Variants in ARFGEF3 observed in about 807,000 individuals in gnomAD.
ARFGEF3 encodes the protein brefeldin A-inhibited guanine nucleotide-exchange protein 3.
Under a neutral mutation model 221.7 loss-of-function variants are expected in ARFGEF3, and 96 were observed. The ratio of observed to expected loss-of-function variants is 0.43; its 90% confidence interval spans 0.37 to 0.51. ARFGEF3 has a LOEUF of 0.51. Ranked by LOEUF, ARFGEF3 falls within the 20% of genes least tolerant of loss-of-function variation. The pLI, the probability that ARFGEF3 is intolerant of heterozygous loss-of-function variation, is 0.00. For synonymous variants in ARFGEF3, 1,145 were observed against 1,126.8 expected (o/e 1.02, Z -0.32); for missense variants, 2,410 against 2,789.9 (o/e 0.86, Z 3.07).
In ARFGEF3 at chr6:138,296,812, G is replaced by A; in HGVS notation, c.3505G>A (p.Glu1169Lys). 1 of 1,613,488 alleles carries A rather than the reference G, an allele frequency of 6.2e-7. No homozygotes were observed. The highest frequency in any genetic ancestry group is 8.5e-7 in the Non-Finnish European group (1 of 1,179,684). Residue 1169 changes from glutamate to lysine, a missense_variant and splice_region_variant, in exon 21 of 34, where the codon GAA (glutamate) becomes AAA (lysine). By Grantham distance (56) the Glu-to-Lys change is moderately conservative. Coordinates refer to ENST00000251691, the MANE Select transcript of ARFGEF3 (RefSeq NM_020340.5). Reference protein sequence around the residue: ...TVDYSLAMPGEVKSTQDRKSA... With the variant: ...TVDYSLAMPGKVKSTQDRKSA... ...TTTATGTTCTTGCCTTCCTGTAGGA[G>A]AAGTTAAATCCACTCAAGACCGAAA... is the stretch of plus-strand genomic sequence containing the variant.
In ARFGEF3 at chr6:138,291,672, T is replaced by G; in HGVS notation, c.3048-61T>G. ...ATTTCCTTTGTCTGGCACTGTGGGG[T>G]TTATGGAGCTGCCGGGGTGAGCTGC... is the stretch of plus-strand genomic sequence containing the variant. On this transcript the variant is annotated intron_variant, in intron 18 of 33. Coordinates refer to ENST00000251691, the MANE Select transcript of ARFGEF3 (RefSeq NM_020340.5). This position sits in a 1 kb window ranked among gnomAD's most constrained non-coding sequence, Gnocchi z 4.5. 4 of 1,211,876 alleles carry G rather than the reference T, an allele frequency of 3.3e-6. No homozygotes were observed. The highest frequency in any genetic ancestry group is 6.1e-5 in the South Asian group (2 of 32,958). 75.1% of individuals were successfully genotyped at this position (1,211,876 alleles called of 1,614,324 possible).
At chr6:138,257,021 G>T (rs562051211) in intron 10 of ARFGEF3, among the ~76,000 whole-genome samples, 1 of 152,064 alleles carries the variant, frequency 6.6e-6, no homozygotes, top group African/African-American at 2.4e-5. Context: ...CAATCCGCCC[G>T]CCTCAGCCTT....
chr6:138,336,217 C>A, intron 33 of ARFGEF3, 78 bp from the exon 34 acceptor site: 1 of 1,141,734 alleles, frequency 8.8e-7, no homozygotes, highest in Non-Finnish European at 1.2e-6. Flanking sequence ...ACCATTTCCA[C>A]ATTGGCAGGG....
rs1317016668 is a variant in ARFGEF3 at position 138,298,652 on chromosome 6, T to G, written c.3695T>G (p.Phe1232Cys). 3 of 1,613,540 alleles carry G rather than the reference T, an allele frequency of 1.9e-6. No individual in the cohort carries two copies. The highest frequency in any genetic ancestry group is 2.5e-6 in the Non-Finnish European group (3 of 1,179,732). Residue 1232 changes from phenylalanine to cysteine, a missense_variant, in exon 22 of 34, where the codon TTC becomes TGC. Around this residue, in one of 5 missense-constraint regions of ARFGEF3, gnomAD observed 723 missense variants for 991.9 expected, o/e 0.73. Transcript: ENST00000251691. ...CATGTGTCTCAGAAGGCTGTTTCCT[T>G]CATCCATGACATACTGACAGAAGTC... is the stretch of plus-strand genomic sequence containing the variant. ...ERHVSQKAVS[F>C]IHDILTEVLT...
At chr6:138,206,061 T>C (rs73774684) in intron 2 of ARFGEF3, among the ~76,000 whole-genome samples, 3,494 of 152,366 alleles carry the variant, frequency 0.023, 145 homozygotes, top group African/African-American at 0.078. Context: ...AAAATCAATA[T>C]ATCTTTCAGT....
intron 2 of ARFGEF3, among the ~76,000 whole-genome samples, chr6:138,201,744 C>T (rs1187585987): frequency 1.3e-5 from 2 of 152,150 alleles, no homozygotes; most frequent in Non-Finnish European, 2.9e-5. Context: ...GTGATGGGTG[C>T]ACCAGGATCT....
chr6:138,262,432 T>C lies in ARFGEF3; in HGVS notation c.1218-269T>C, dbSNP rs531784267. ...GTCTCAAACTCCTGACCTCAAGTGA[T>C]CCGCCCACCTCAGCGTCCCAAAGTG... On this transcript the variant is annotated intron_variant, in intron 11 of 33. Transcript: ENST00000251691. Among the ~76,000 whole-genome samples the C allele has an allele frequency of 2.6e-4, 40 of 152,302 alleles. No homozygotes were observed. The South Asian group carries it at 2.7e-3, about 10-fold the overall frequency.
chr6:138,173,575 T>C (rs572973684), intron 2 of ARFGEF3, among the ~76,000 whole-genome samples: 1 of 152,360 alleles, frequency 6.6e-6, no homozygotes, highest in East Asian at 1.9e-4. Context: ...TCTTGCTTAA[T>C]TGATCCCTTT....
At chr6:138,199,552 T>G (rs1777496032) in intron 2 of ARFGEF3, among the ~76,000 whole-genome samples, 1 of 152,370 alleles carries the variant, frequency 6.6e-6, no homozygotes, top group Admixed American at 6.5e-5. Flanking sequence ...ATGATTTCTT[T>G]CAGTAGTGTT....
At position 138,162,997 on chromosome 6, in the gene ARFGEF3, T is replaced by G. The variant is rs1456457795; in HGVS notation, c.85+826T>G. Among the ~76,000 whole-genome samples, 2 of 152,224 alleles carry G rather than the reference T, an allele frequency of 1.3e-5. No homozygotes were observed. Among genetic ancestry groups the G allele is most frequent in the Admixed American group, 1.3e-4 (2 of 15,288 alleles). On this transcript the variant is annotated intron_variant, in intron 1 of 33. Transcript: ENST00000251691. This position sits in a 1 kb window ranked among gnomAD's most constrained non-coding sequence, Gnocchi z 4.7. ...GCTCTATGGGCTCCTCTCTCTGCCT[T>G]GCTGGAGCCTGATGTGATGCCTCAG...
At chr6:138,254,397 T>C (rs1033871940) in intron 9 of ARFGEF3, among the ~76,000 whole-genome samples, 2 of 147,828 alleles carry the variant, frequency 1.4e-5, no homozygotes, top group African/African-American at 5.0e-5. Context: ...CCAGCCTGGG[T>C]GACAGAGCAA....
chr6:138,290,949 T>G (rs995056631), intron 18 of ARFGEF3, among the ~76,000 whole-genome samples: 11 of 151,848 alleles, frequency 7.2e-5, no homozygotes, highest in African/African-American at 7.3e-5. Flanking sequence ...AAAAAGAAAA[T>G]AAAAAGGCTC....
chr6:138,176,471 GCAC>G (rs1397346559), intron 2 of ARFGEF3, among the ~76,000 whole-genome samples: 24 of 152,116 alleles, frequency 1.6e-4, no homozygotes, highest in Non-Finnish European at 3.1e-4. Flanking sequence ...CTGAGCCACT[GCAC>G]CCAGCCTAGT....
chr6:138,238,521 A>G lies in ARFGEF3; in HGVS notation c.433A>G (p.Thr145Ala). ...ATTTCTTTAACAGGTGTGCATTGAG[A>G]CGTACATAAGCAGCTGTCACCAGCG... is the stretch of plus-strand genomic sequence containing the variant. The part of the protein sequence containing the change: ...VLKIAEVCIE[T>A]YISSCHQRSI... Residue 145 changes from threonine (T) to alanine (A), a missense_variant, in exon 6 of 34, where the codon ACG becomes GCG. By Grantham distance (58) the Thr-to-Ala change is moderately conservative (BLOSUM62 0). Coordinates refer to ENST00000251691, the MANE Select transcript of ARFGEF3 (RefSeq NM_020340.5). The G allele has an allele frequency of 6.2e-7, 1 of 1,613,670 alleles. No homozygotes were observed. The highest frequency in any genetic ancestry group is 8.5e-7 in the Non-Finnish European group (1 of 1,179,670).
chr6:138,244,425 G>A (rs891226122), intron 7 of ARFGEF3, among the ~76,000 whole-genome samples: 7 of 152,132 alleles, frequency 4.6e-5, no homozygotes, highest in African/African-American at 1.7e-4. Context: ...ATTTCATGTA[G>A]CCTGACAATT....
intron 8 of ARFGEF3, among the ~76,000 whole-genome samples, chr6:138,252,477 A>G (rs1179864046): frequency 6.6e-6 from 1 of 152,210 alleles, no homozygotes; most frequent in East Asian, 1.9e-4. Context: ...CCTCTGTCTT[A>G]CAATTGTGTG....
intron 32 of ARFGEF3, among the ~76,000 whole-genome samples, chr6:138,332,580 G>A (rs1780247068): frequency 6.6e-6 from 1 of 152,062 alleles, no homozygotes; most frequent in East Asian, 1.9e-4. Flanking sequence ...CAGGTTTACT[G>A]GTAGCTTAAG....
At chr6:138,297,298 A>T (rs1779541700) in intron 21 of ARFGEF3, among the ~76,000 whole-genome samples, 1 of 152,246 alleles carries the variant, frequency 6.6e-6, no homozygotes, top group African/African-American at 2.4e-5. Flanking sequence ...CATAAATATA[A>T]CAATGTCTTT....
At chr6:138,223,204 G>A (rs1382908447) in intron 4 of ARFGEF3, among the ~76,000 whole-genome samples, 1 of 152,164 alleles carries the variant, frequency 6.6e-6, no homozygotes, top group African/African-American at 2.4e-5. Flanking sequence ...GTATTCCTGT[G>A]CTTGTCACTG....
Sources: gnomAD v4.1 joint callset for allele counts (sites outside exome capture counted in the v4.1 genomes callset) on GRCh38, gnomAD v4.1.1 for gene constraint, gnomAD v4.1.1 regional missense constraint, Gnocchi (gnomAD v3.1) non-coding constraint, MANE v1.5 for transcripts, NCBI Gene and HGNC (gene_info 2026-07-23, HGNC 2026-07-21) for gene names.